NUGGC: variants seen among roughly 807,000 people sequenced by gnomAD.
NUGGC encodes nuclear GTPase, germinal center associated, also known as nuclear GTPase SLIP-GC.
Under a neutral mutation model 92.6 loss-of-function variants are expected in NUGGC, and 58 were observed. That is an observed-to-expected ratio of 0.63 (90% CI 0.51 to 0.78). The LOEUF is 0.78. NUGGC is among the 30% of genes least tolerant of loss of function. The pLI is 0.00. For missense variants in NUGGC, 925 were observed against 964.6 expected (o/e 0.96, Z 0.54); for synonymous variants, 376 against 366.4 (o/e 1.03, Z -0.30).
At chr8:28,058,626 G>A (rs1010707842) in intron 8 of NUGGC, among the ~76,000 whole-genome samples, 5 of 152,092 alleles carry the variant, frequency 3.3e-5, no homozygotes, top group African/African-American at 1.2e-4. Context: ...TCAAAGACTG[G>A]GCAATGTGCC....
chr8:28,075,778 G>T (rs1441429745), intron 1 of NUGGC, among the ~76,000 whole-genome samples: 1 of 152,158 alleles, frequency 6.6e-6, no homozygotes, highest in Non-Finnish European at 1.5e-5. Flanking sequence ...GTATTTGGTG[G>T]GTGTTGGGTG....
chr8:28,035,344 A>G (rs902837044), intron 13 of NUGGC, among the ~76,000 whole-genome samples: 2 of 152,190 alleles, frequency 1.3e-5, no homozygotes, highest in African/African-American at 4.8e-5. Flanking sequence ...GTCATCTCTC[A>G]GGGATCTGTG....
chr8:28,042,229 G>A (rs566718710), intron 12 of NUGGC, among the ~76,000 whole-genome samples: 36 of 152,196 alleles, frequency 2.4e-4, no homozygotes, highest in Non-Finnish European at 4.9e-4. Flanking sequence ...CATGAAAATG[G>A]ACTAATACAG....
chr8:28,060,926 G>A (rs758920186), intron 7 of NUGGC, among the ~76,000 whole-genome samples: 5 of 152,108 alleles, frequency 3.3e-5, no homozygotes, highest in Admixed American at 6.5e-5. Flanking sequence ...ACTGCACCAG[G>A]TCTGCTCTCT....
At chr8:28,083,444 A>G (rs1810898986) in intron 1 of NUGGC, among the ~76,000 whole-genome samples, 1 of 152,258 alleles carries the variant, frequency 6.6e-6, no homozygotes. Context: ...ACAACGCTAC[A>G]GCTAAGAGGA....
chr8:28,078,121 C>T (rs959345824), intron 1 of NUGGC, among the ~76,000 whole-genome samples: 1 of 152,210 alleles, frequency 6.6e-6, no homozygotes, highest in Non-Finnish European at 1.5e-5. Flanking sequence ...CAGAAAACCA[C>T]ACAACTTCCT....
Position 28,041,107 on chromosome 8 carries a change from C to G in NUGGC, c.1555G>C (p.Glu519Gln), listed in dbSNP as rs1476910118. 2 of 1,608,272 alleles carry G rather than the reference C, an allele frequency of 1.2e-6. No individual in the cohort carries two copies. Among genetic ancestry groups the G allele is most frequent in the South Asian group, 2.2e-5 (2 of 89,392 alleles). ...GAAGTCCTGGCGGTCCTGACCCCTT[C>G]TTGCAGAGGCTGCTCCATGCAGGCG... is the stretch of plus-strand genomic sequence containing the variant. Reference protein sequence around the residue: ...CFACMEQPLQEGVRTARTSYR... With the variant: ...CFACMEQPLQQGVRTARTSYR... The change falls in exon 13 of 19, where the codon GAA becomes CAA. Residue 519 changes from glutamate (E) to glutamine (Q), a missense_variant. By Grantham distance (29) the Glu-to-Gln change is conservative. Coordinates refer to ENST00000413272, the MANE Select transcript of NUGGC (RefSeq NM_001010906.2).
At chr8:28,073,952 C>T (rs1282197483) in intron 2 of NUGGC, among the ~76,000 whole-genome samples, 3 of 152,112 alleles carry the variant, frequency 2.0e-5, no homozygotes, top group African/African-American at 7.2e-5. Flanking sequence ...GCACACACCA[C>T]CACACCCGGC....
At chr8:28,059,649 T>G (rs1391856823) in intron 8 of NUGGC, among the ~76,000 whole-genome samples, 1 of 152,174 alleles carries the variant, frequency 6.6e-6, no homozygotes, top group Non-Finnish European at 1.5e-5. Flanking sequence ...ATCCTGCACA[T>G]GTACCCTGGA....
At chr8:28,068,874 C>A (rs181102839) in intron 4 of NUGGC, among the ~76,000 whole-genome samples, 1 of 152,232 alleles carries the variant, frequency 6.6e-6, no homozygotes, top group African/African-American at 2.4e-5. Flanking sequence ...GTAGCTGGAA[C>A]TACAGGCGTG....
At chr8:28,036,270 G>A (rs17058480) in intron 13 of NUGGC, among the ~76,000 whole-genome samples, 54,301 of 151,904 alleles carry the variant, frequency 0.36, 10,218 homozygotes, top group East Asian at 0.47. Flanking sequence ...GGCATTACAC[G>A]ATTTCCTTCT....
intron 18 of NUGGC, among the ~76,000 whole-genome samples, chr8:28,024,289 C>T (rs376679997): frequency 3.3e-5 from 5 of 151,164 alleles, no homozygotes; most frequent in East Asian, 2.0e-4. Context: ...AGTTGATACA[C>T]CCGCCTCGGC....
chr8:28,024,662 C>A (rs1223216600), intron 18 of NUGGC, among the ~76,000 whole-genome samples: 1 of 152,178 alleles, frequency 6.6e-6, no homozygotes, highest in Non-Finnish European at 1.5e-5. Context: ...GAGGGTGACT[C>A]AGGTTAGTTG....
At chr8:28,026,792 ATCAC>A (rs1256072215) in intron 18 of NUGGC, among the ~76,000 whole-genome samples, 166 bp downstream of exon 18, 1 of 151,996 alleles carries the variant, frequency 6.6e-6, no homozygotes, top group Non-Finnish European at 1.5e-5. Context: ...CATCATCATC[ATCAC>A]CATCATCATC....
intron 8 of NUGGC, among the ~76,000 whole-genome samples, chr8:28,059,808 G>A (rs1307964880): frequency 6.6e-6 from 1 of 152,138 alleles, no homozygotes; most frequent in African/African-American, 2.4e-5. Flanking sequence ...GATCACCTGA[G>A]GTCCGGAGTT....
At position 28,067,431 on chromosome 8, in the gene NUGGC, C is replaced by T. The variant is rs1394718257; in HGVS notation, c.711+83G>A. On this transcript the variant is annotated intron_variant, in intron 6 of 18. Coordinates refer to ENST00000413272, the MANE Select transcript of NUGGC (RefSeq NM_001010906.2). ...TTCTTATTTCACACAAACACTGTAC[C>T]ACAAGCCCATCCCCTGAAACAGGTT... 9 of 868,604 alleles carry T rather than the reference C, an allele frequency of 1.0e-5. No individual in the cohort carries two copies. In the Admixed American group the frequency reaches 1.3e-4, roughly 12 times the overall value. 53.8% of individuals were successfully genotyped at this position (868,604 alleles called of 1,614,324 possible). A position where few individuals can be genotyped will look rare whatever the true frequency, so the allele number is the denominator to read the frequency against.
chr8:28,026,854 C>T, intron 18 of NUGGC, 108 bp downstream of exon 18: 1 of 776,594 alleles, frequency 1.3e-6, no homozygotes, highest in Non-Finnish European at 2.3e-6. Flanking sequence ...AACTTCCTAA[C>T]TTAAATTCCT....
At chr8:28,071,883 A>G (rs1006640821) in intron 2 of NUGGC, among the ~76,000 whole-genome samples, 2 of 152,166 alleles carry the variant, frequency 1.3e-5, no homozygotes, top group African/African-American at 4.8e-5. Context: ...ATGAGGCTCC[A>G]AAACTGAGTG....
chr8:28,074,521 A>G, intron 1 of NUGGC, 65 bp from the exon 2 acceptor site: 1 of 1,035,310 alleles, frequency 9.7e-7, no homozygotes, highest in Non-Finnish European at 1.5e-6. Context: ...AGCAAACCCT[A>G]AGGATGTGTC....
Sources: gnomAD v4.1 joint callset for allele counts (sites outside exome capture counted in the v4.1 genomes callset) on GRCh38, gnomAD v4.1.1 for gene constraint, MANE v1.5 for transcripts, NCBI Gene and HGNC (gene_info 2026-07-23, HGNC 2026-07-21) for gene names.